PDE8A: variants seen among roughly 807,000 people sequenced by gnomAD.
The protein encoded by PDE8A is phosphodiesterase 8A, also known as high affinity cAMP-specific and IBMX-insensitive 3',5'-cyclic phosphodiesterase 8A.
In PDE8A, 59 loss-of-function variants were observed where a neutral mutation model predicts 105.0. The ratio of observed to expected loss-of-function variants is 0.56; its 90% CI spans 0.46 to 0.70. The LOEUF is 0.70. Among genes scored for constraint, PDE8A ranks in the 30% least tolerant of loss-of-function variants. PDE8A has a pLI of 0.00. For missense variants in PDE8A, 1,014 were observed against 1,045.9 expected (o/e 0.97, Z 0.42); for synonymous variants, 355 against 371.9 (o/e 0.95, Z 0.52).
intron 6 of PDE8A, among the ~76,000 whole-genome samples, chr15:85,084,590 A>G (rs1436189001): frequency 6.6e-6 from 1 of 152,212 alleles, no homozygotes; most frequent in East Asian, 1.9e-4. Context: ...ACCCTCTCTC[A>G]GAGGAGAGTA....
rs746281373 is a variant in PDE8A, at chr15:84,982,188, T to G, written c.26T>G (p.Ile9Ser). MGCAPSIH[I>S]SERLVAEDAP... ...ATGGGCTGTGCCCCGAGCATCCACA[T>G]TTCCGAGCGCCTGGTGGCCGAGGAC... The change falls in exon 1 of 22, where the codon ATT (isoleucine) becomes AGT (serine). Residue 9 changes from isoleucine to serine, a missense_variant. By Grantham distance (142) the Ile-to-Ser change is moderately radical. Coordinates refer to ENST00000394553, the MANE Select transcript of PDE8A (RefSeq NM_002605.3). 80 of 1,483,868 alleles carry G rather than the reference T, an allele frequency of 5.4e-5. No individual in the cohort carries two copies. The highest frequency in any genetic ancestry group is 6.7e-5 in the Non-Finnish European group (75 of 1,126,968). 91.9% of individuals were successfully genotyped at this position (1,483,868 alleles called of 1,614,324 possible).
intron 1 of PDE8A, among the ~76,000 whole-genome samples, chr15:85,056,428 C>T (rs1273897230): frequency 1.3e-5 from 2 of 152,146 alleles, no homozygotes; most frequent in South Asian, 2.1e-4. Flanking sequence ...CCATTCTCCC[C>T]ATCAATTTCA....
chr15:85,056,258 A>C (rs1377812698), intron 1 of PDE8A, among the ~76,000 whole-genome samples: 1 of 152,036 alleles, frequency 6.6e-6, no homozygotes, highest in Non-Finnish European at 1.5e-5. Flanking sequence ...CCTTCATTTC[A>C]ACTTTGGTGA....
intron 5 of PDE8A, among the ~76,000 whole-genome samples, chr15:85,078,336 A>G (rs887900211): frequency 2.0e-5 from 3 of 152,046 alleles, no homozygotes; most frequent in Admixed American, 1.3e-4. Context: ...TCACGAGGTC[A>G]GGAGATTGAG....
chr15:85,113,863 C>T lies in PDE8A; in HGVS notation c.1186-10C>T, dbSNP rs1393823746. 1.9e-6 allele frequency: 3 copies of T among 1,603,118 alleles called. No individual in the cohort carries two copies. The highest frequency in any genetic ancestry group is 1.1e-5 in the South Asian group (1 of 90,042). On this transcript the variant is annotated splice_polypyrimidine_tract_variant and intron_variant, in intron 13 of 21. Transcript: ENST00000394553. ...TTATGAAACTCAAGTATTTTCTTTC[C>T]ATAATGTAGGTAATCAATATTATCA...
chr15:85,096,779 T>C (rs1368267287), intron 8 of PDE8A, among the ~76,000 whole-genome samples: 2 of 152,186 alleles, frequency 1.3e-5, no homozygotes, highest in Non-Finnish European at 2.9e-5. Context: ...TCAGCTGGGC[T>C]TTCTGGCTGT....
chr15:85,006,366 C>T (rs547773912), intron 1 of PDE8A, among the ~76,000 whole-genome samples: 6 of 152,262 alleles, frequency 3.9e-5, no homozygotes, highest in Admixed American at 1.3e-4. Context: ...GAATGTCTCT[C>T]AGTGCAAGCT....
In PDE8A at chr15:85,051,134, A is replaced by G. The variant is rs151025644; in HGVS notation, c.187-13236A>G. 1.5e-3 allele frequency among the ~76,000 whole-genome samples: 226 copies of G among 152,242 alleles called. 1 individual carries two copies. The highest frequency in any genetic ancestry group is 0.013 in the Admixed American group (205 of 15,288). On this transcript the variant is annotated intron_variant, in intron 1 of 21. Transcript: ENST00000394553. ...GGTCATTGTTAGTGTATAGAAATGCAGCTTGTTTGGTGTGTTGCCTTTGTG... is the reference window on the plus strand; with the variant it reads ...GGTCATTGTTAGTGTATAGAAATGCGGCTTGTTTGGTGTGTTGCCTTTGTG...
At chr15:85,123,278 C>G (rs2082209548) in intron 19 of PDE8A, 85 bp downstream of exon 19, 7 of 1,250,140 alleles carry the variant, frequency 5.6e-6, no homozygotes. Flanking sequence ...ATGATATCAG[C>G]CACAGAAGGG....
At chr15:85,074,456 C>A (rs994764496) in intron 3 of PDE8A, among the ~76,000 whole-genome samples, 1 of 152,224 alleles carries the variant, frequency 6.6e-6, no homozygotes, top group East Asian at 1.9e-4. Context: ...AATCCCAGCA[C>A]TTTGGGAGGC....
chr15:85,083,718 G>T lies in PDE8A; in HGVS notation c.635+74G>T, dbSNP rs540106623. ...GGCAAGTGAGAACTTTGGTTGTGGG[G>T]AATACTTTTGAAATGGCCTCTTGCA... On this transcript the variant is annotated intron_variant, in intron 6 of 21. Coordinates refer to ENST00000394553, the MANE Select transcript of PDE8A (RefSeq NM_002605.3). 4.8e-4 allele frequency: 434 copies of T among 897,816 alleles called. No individual in the cohort carries two copies. Among genetic ancestry groups the T allele is most frequent in the Non-Finnish European group, 7.4e-4 (398 of 539,862 alleles). 55.6% of individuals were successfully genotyped at this position (897,816 alleles called of 1,614,324 possible). A position where few individuals can be genotyped will look rare whatever the true frequency, so the allele number is the denominator to read the frequency against.
At chr15:85,008,718 C>T (rs899508536) in intron 1 of PDE8A, among the ~76,000 whole-genome samples, 5 of 152,180 alleles carry the variant, frequency 3.3e-5, no homozygotes, top group African/African-American at 7.2e-5. Flanking sequence ...TATGAACTTC[C>T]TCCCTCCTCT....
intron 1 of PDE8A, among the ~76,000 whole-genome samples, chr15:84,991,645 A>G (rs575902087): frequency 6.6e-6 from 1 of 152,344 alleles, no homozygotes; most frequent in South Asian, 2.1e-4. Flanking sequence ...GAATTTTCAG[A>G]GCAGCATTAC....
intron 1 of PDE8A, among the ~76,000 whole-genome samples, chr15:85,027,702 A>G (rs546079157): frequency 2.0e-5 from 3 of 152,332 alleles, no homozygotes; most frequent in East Asian, 3.9e-4. Context: ...AATTTACACA[A>G]TTCTGTGCTT....
chr15:85,025,814 A>G (rs1205201595), intron 1 of PDE8A, among the ~76,000 whole-genome samples: 4 of 152,162 alleles, frequency 2.6e-5, no homozygotes, highest in African/African-American at 9.7e-5. Context: ...AGCCAGGAAC[A>G]CCTTGAGACT....
At chr15:85,097,531 C>T (rs1020069985) in intron 8 of PDE8A, among the ~76,000 whole-genome samples, 9 of 152,200 alleles carry the variant, frequency 5.9e-5, no homozygotes, top group African/African-American at 1.7e-4. Flanking sequence ...CCTCAGAAGC[C>T]GGTAGTGGCC....
intron 11 of PDE8A, among the ~76,000 whole-genome samples, chr15:85,102,265 C>T (rs572089537): frequency 1.3e-5 from 2 of 152,098 alleles, no homozygotes; most frequent in South Asian, 2.1e-4. Context: ...GCGGGGAGAA[C>T]GGGAAGCATC....
At chr15:85,077,942 G>A (rs2081402940) in intron 5 of PDE8A, among the ~76,000 whole-genome samples, 1 of 147,210 alleles carries the variant, frequency 6.8e-6, no homozygotes, top group Admixed American at 6.7e-5. Context: ...GTGAAGAAAT[G>A]TGGAGGATAG....
At position 85,138,011 on chromosome 15, in the gene PDE8A, G is replaced by A. The variant is rs2082440225; in HGVS notation, c.*108G>A. On this transcript the variant is annotated 3_prime_UTR_variant, in exon 22 of 22. Coordinates refer to ENST00000394553, the MANE Select transcript of PDE8A (RefSeq NM_002605.3). ...TTCAGTACTAGGCAGAACAGCCCCC[G>A]ATCTGCATAGCCTGTGAAAGCCCAC... The A allele has an allele frequency of 3.0e-6, 2 of 672,018 alleles. No homozygotes were observed. Among genetic ancestry groups the A allele is most frequent in the Non-Finnish European group, 2.7e-6 (1 of 375,366 alleles). 41.6% of individuals were successfully genotyped at this position (672,018 alleles called of 1,614,324 possible). A position where few individuals can be genotyped will look rare whatever the true frequency, so the allele number is the denominator to read the frequency against.
Sources: gnomAD v4.1 joint callset for allele counts (sites outside exome capture counted in the v4.1 genomes callset) on GRCh38, gnomAD v4.1.1 for gene constraint, MANE v1.5 for transcripts, NCBI Gene and HGNC (gene_info 2026-07-23, HGNC 2026-07-21) for gene names.